The following CDC42BPB variants were observed in gnomAD, a reference collection of about 807,000 sequenced individuals.
CDC42BPB encodes the protein serine/threonine-protein kinase MRCK beta.
In CDC42BPB, 37 loss-of-function variants were observed where a neutral mutation model predicts 214.9. The ratio of observed to expected loss-of-function variants is 0.17; its 90% confidence interval spans 0.13 to 0.23. The LOEUF (loss-of-function observed/expected upper bound fraction) is 0.23, where lower values mean the gene tolerates loss of function less well. Among genes scored for constraint, CDC42BPB ranks in the 10% least tolerant of loss-of-function variants. The pLI, the probability that CDC42BPB is intolerant of heterozygous loss-of-function variation, is 1.00. For missense variants in CDC42BPB, 1,694 were observed against 2,227.0 expected (o/e 0.76, Z 4.82); for synonymous variants, 931 against 884.0 (o/e 1.05, Z -0.94).
rs374974974 is a variant in CDC42BPB, at chr14:103,044,099, T to C, written c.175+12900A>G. On this transcript the variant is annotated intron_variant, in intron 1 of 36. Transcript: ENST00000361246. ...TAGTCAGACAGTATTTCCCACATAT[T>C]TGAATTCAGTTTCATTTTAAAGGTA... 7.9e-5 allele frequency among the ~76,000 whole-genome samples: 12 copies of C among 152,316 alleles called. 1 individual carries two copies. The highest frequency in any genetic ancestry group is 2.4e-4 in the African/African-American group (10 of 41,576).
chr14:102,979,275 G>A (rs896090855), intron 8 of CDC42BPB, among the ~76,000 whole-genome samples: 10 of 150,992 alleles, frequency 6.6e-5, no homozygotes, highest in African/African-American at 1.5e-4. Flanking sequence ...GTGCAGTGGC[G>A]TATTCTCAGG....
intron 5 of CDC42BPB, among the ~76,000 whole-genome samples, chr14:102,992,859 C>A (rs1326908578): frequency 2.0e-5 from 3 of 150,992 alleles, no homozygotes; most frequent in African/African-American, 7.3e-5. Context: ...CAGAGTCTCA[C>A]TCTGTCACCC....
At chr14:103,051,208 T>G (rs1888589803) in intron 1 of CDC42BPB, among the ~76,000 whole-genome samples, 2 of 150,570 alleles carry the variant, frequency 1.3e-5, no homozygotes, top group Admixed American at 1.3e-4. Context: ...ACTTCTGATT[T>G]TAGATTTAAG....
intron 6 of CDC42BPB, among the ~76,000 whole-genome samples, chr14:102,984,482 C>A (rs148481522): frequency 2.3e-4 from 35 of 152,196 alleles, no homozygotes; most frequent in African/African-American, 8.4e-4. Context: ...CCCTGGACAG[C>A]GCACCAGGAG....
At position 102,933,698 on chromosome 14, in the gene CDC42BPB, G is replaced by A. The variant is rs1595438654; in HGVS notation, c.*14C>T. ...CATCTCCAGCTCCCTGGCCCCTGTG[G>A]CGAGCTGGCGGCTTCAGGTGTCACA... On this transcript the variant is annotated 3_prime_UTR_variant, in exon 37 of 37. Coordinates refer to ENST00000361246, the MANE Select transcript of CDC42BPB (RefSeq NM_006035.4). 1 of 1,447,378 alleles carries A rather than the reference G, an allele frequency of 6.9e-7. No homozygotes were observed. The highest frequency in any genetic ancestry group is 9.0e-7 in the Non-Finnish European group (1 of 1,113,468). The allele number at this position is 1,447,378 out of a possible 1,614,324, so 89.7% of individuals were successfully genotyped here.
chr14:103,005,695 TCTAAAACAAG>T (rs1895205775), intron 3 of CDC42BPB, among the ~76,000 whole-genome samples: 1 of 151,558 alleles, frequency 6.6e-6, no homozygotes, highest in Non-Finnish European at 1.5e-5. Flanking sequence ...AGACCCTGTC[TCTAAAACAAG>T]AAAAAAAAAG....
intron 20 of CDC42BPB, among the ~76,000 whole-genome samples, chr14:102,961,339 T>C (rs1385654818): frequency 6.6e-6 from 1 of 152,080 alleles, no homozygotes; most frequent in African/African-American, 2.4e-5. Flanking sequence ...ACCACCTTTT[T>C]TTTTTTTTCT....
rs575414659 is a variant in CDC42BPB at position 103,040,416 on chromosome 14, C to T, written c.175+16583G>A. ...TACCCCAATTAAAAAGAAAACTAAA[C>T]AACTCTCACTCTGAAAACTGAAACT... On this transcript the variant is annotated intron_variant, in intron 1 of 36. Coordinates refer to ENST00000361246, the MANE Select transcript of CDC42BPB (RefSeq NM_006035.4). 3.4e-4 allele frequency among the ~76,000 whole-genome samples: 51 copies of T among 151,872 alleles called. No homozygotes were observed. The South Asian group carries it at 9.6e-3, about 29-fold the overall frequency.
At chr14:102,958,623 G>GA (rs1892816499) in intron 21 of CDC42BPB, among the ~76,000 whole-genome samples, 1 of 151,956 alleles carries the variant, frequency 6.6e-6, no homozygotes, top group Non-Finnish European at 1.5e-5. Flanking sequence ...CCCATGGAGG[G>GA]AGGCAGTGGG....
intron 2 of CDC42BPB, among the ~76,000 whole-genome samples, chr14:103,010,934 G>A (rs1886120789): frequency 1.3e-5 from 2 of 152,240 alleles, no homozygotes; most frequent in Non-Finnish European, 2.9e-5. Context: ...GGAGGCTGAG[G>A]CAGGAGAATG....
In CDC42BPB at chr14:102,966,402, A is replaced by G. The variant is rs961197020; in HGVS notation, c.2472-15T>C. On this transcript the variant is annotated splice_polypyrimidine_tract_variant and intron_variant, in intron 17 of 36. Coordinates refer to ENST00000361246, the MANE Select transcript of CDC42BPB (RefSeq NM_006035.4). The stretch of plus-strand genomic sequence containing the variant: ...CGTCACTGACCCTGGAGGAGGGAAC[A>G]GATGTTCTATCTCACGAAGCATGGC... 1.8e-5 allele frequency: 29 copies of G among 1,612,194 alleles called. No homozygotes were observed. Among genetic ancestry groups the G allele is most frequent in the African/African-American group, 2.7e-5 (2 of 74,896 alleles).
At chr14:102,983,526 C>CAAAA in intron 7 of CDC42BPB, 30 bp downstream of exon 7, 13 of 1,511,884 alleles carry the variant, frequency 8.6e-6, no homozygotes, top group Admixed American at 5.6e-5. Flanking sequence ...AGCCAGGTAC[C>CAAAA]AAAAAAAAAA....
rs1164936094 is a variant in CDC42BPB at position 103,057,048 on chromosome 14, G to A, written c.126C>T (p.Ser42=). 2 of 1,519,930 alleles carry A rather than the reference G, an allele frequency of 1.3e-6. No homozygotes were observed. The highest frequency in any genetic ancestry group is 2.6e-5 in the East Asian group (1 of 37,884). 94.2% of individuals were successfully genotyped at this position (1,519,930 alleles called of 1,614,324 possible). Residue 42 remains serine (S), a synonymous_variant, in exon 1 of 37, where the codon AGC becomes AGT. Transcript: ENST00000361246. The part of the protein sequence containing the change: ...DVLVCLYTEC[S]HSALRRDKYV... ...ACTTGTCGCGGCGCAGGGCCGAGTG[G>A]CTGCACTCGGTGTACAGGCAGACGA...
chr14:102,975,537 G>T, intron 11 of CDC42BPB, 147 bp downstream of exon 11: 1 of 853,848 alleles, frequency 1.2e-6, no homozygotes, highest in Non-Finnish European at 1.8e-6. Context: ...AAAAACAACT[G>T]ACCAAAATTT....
In CDC42BPB at chr14:102,963,162, T is replaced by TA; in HGVS notation, c.2727-8dup. Reference sequence around the variant, plus strand: ...TTCGGAATCCTTTAGTTTGCTAAAATAAAAAATAAATGGCTTTAAGTGCAC... The same window carrying TA: ...TTCGGAATCCTTTAGTTTGCTAAAATAAAAAAATAAATGGCTTTAAGTGCAC... On this transcript the variant is annotated splice_polypyrimidine_tract_variant and splice_region_variant and intron_variant, in intron 19 of 36. Coordinates refer to ENST00000361246, the MANE Select transcript of CDC42BPB (RefSeq NM_006035.4). The TA allele has an allele frequency of 6.3e-7, 1 of 1,584,904 alleles. No individual in the cohort carries two copies.
At chr14:102,987,545 A>G (rs1894298229) in intron 5 of CDC42BPB, among the ~76,000 whole-genome samples, 1 of 152,184 alleles carries the variant, frequency 6.6e-6, no homozygotes, top group South Asian at 2.1e-4. Context: ...CTCGTGTGAT[A>G]GACACCACAC....
intron 1 of CDC42BPB, among the ~76,000 whole-genome samples, chr14:103,049,873 C>T (rs1006635473): frequency 2.0e-5 from 3 of 152,116 alleles, no homozygotes; most frequent in Non-Finnish European, 2.9e-5. Context: ...GCCACCAGCC[C>T]GGCTAATTTT....
intron 21 of CDC42BPB, 96 bp downstream of exon 21, chr14:102,959,533 GGT>G: frequency 2.6e-6 from 2 of 767,244 alleles, no homozygotes; most frequent in East Asian, 5.3e-5. Context: ...TATATTTACT[GGT>G]GTGTTTGTGG....
intron 34 of CDC42BPB, among the ~76,000 whole-genome samples, chr14:102,938,817 A>G (rs1891757218): frequency 6.6e-6 from 1 of 152,020 alleles, no homozygotes; most frequent in African/African-American, 2.4e-5. Context: ...TAGTAGAGAC[A>G]GGGTTTCTCC....
Sources: gnomAD v4.1 joint callset for allele counts (sites outside exome capture counted in the v4.1 genomes callset) on GRCh38, gnomAD v4.1.1 for gene constraint, MANE v1.5 for transcripts, NCBI Gene and HGNC (gene_info 2026-07-23, HGNC 2026-07-21) for gene names.